CABLES2: variants seen among roughly 807,000 people sequenced by gnomAD.
CABLES2 encodes CDK5 and ABL1 enzyme substrate 2.
Under a neutral mutation model 44.8 loss-of-function variants are expected in CABLES2, and 35 were observed. That is an observed-to-expected ratio of 0.78 (90% CI 0.60 to 1.04). CABLES2 has a LOEUF of 1.04. Among genes scored for constraint, CABLES2 ranks in the 50% least tolerant of loss-of-function variants. The probability of loss-of-function intolerance (pLI) is 0.00; values close to 1 mark genes in which losing one functional copy is unlikely to be tolerated. For missense variants in CABLES2, 566 were observed against 615.7 expected (o/e 0.92, Z 0.85); for synonymous variants, 282 against 281.1 (o/e 1.00, Z -0.03).
chr20:62,401,825 C>T (rs556984492), intron 1 of CABLES2, among the ~76,000 whole-genome samples: 1 of 152,330 alleles, frequency 6.6e-6, no homozygotes, highest in African/African-American at 2.4e-5. Context: ...TGTGCCCAGG[C>T]AAATGCACTG....
rs1601470603 is a variant in CABLES2 at position 62,390,891 on chromosome 20, A to G, written c.*80T>C. ...AGCAGGTGCTGGGGGTGCTGGCAGG[A>G]GGAGGCGCGGGGCTTCAGTGGGACA... On this transcript the variant is annotated 3_prime_UTR_variant, in exon 10 of 10. Coordinates refer to ENST00000279101, the MANE Select transcript of CABLES2 (RefSeq NM_031215.3). 6.4e-7 allele frequency: 1 copy of G among 1,555,624 alleles called. No individual in the cohort carries two copies.
In CABLES2 at chr20:62,391,850, C is replaced by T. The variant is rs183292654; in HGVS notation, c.1092-397G>A. 2.8e-4 allele frequency among the ~76,000 whole-genome samples: 42 copies of T among 151,964 alleles called. No individual in the cohort carries two copies. In the South Asian group the frequency reaches 8.1e-3, roughly 29 times the overall value. Reference sequence around the variant, plus strand: ...CCCTCTGGAACACTGGGGCAGAGGCCGGCAGGGCAGGCCCCCAGTACAGGG... The same window carrying T: ...CCCTCTGGAACACTGGGGCAGAGGCTGGCAGGGCAGGCCCCCAGTACAGGG... On this transcript the variant is annotated intron_variant, in intron 8 of 9. Transcript: ENST00000279101. The surrounding 1 kb of genome is among the most constrained non-coding windows in gnomAD (Gnocchi z 5.7).
rs1450968091 is a variant in CABLES2, at chr20:62,407,141, G to GGCGGCGCCGCGAGTCCCC, written c.118_135dup (p.Gly40_Arg45dup). On this transcript the variant is annotated inframe_insertion, in exon 1 of 10. Coordinates refer to ENST00000279101, the MANE Select transcript of CABLES2 (RefSeq NM_031215.3). ...TTGTTGAGGAAGAAAAGCGCGGCCTGGCGGCGCCGCGAGTCCCCGCGCCTC... is the reference window on the plus strand; with the variant it reads ...TTGTTGAGGAAGAAAAGCGCGGCCTGGCGGCGCCGCGAGTCCCCGCGGCGCCGCGAGTCCCCGCGCCTC... 16 of 1,021,874 alleles carry GGCGGCGCCGCGAGTCCCC rather than the reference G, an allele frequency of 1.6e-5. No individual in the cohort carries two copies. Among genetic ancestry groups the GGCGGCGCCGCGAGTCCCC allele is most frequent in the Non-Finnish European group, 1.9e-5 (16 of 852,402 alleles). 63.3% of individuals were successfully genotyped at this position (1,021,874 alleles called of 1,614,324 possible). A position where few individuals can be genotyped will look rare whatever the true frequency, so the allele number is the denominator to read the frequency against.
At chr20:62,398,061 G>C in intron 1 of CABLES2, among the ~76,000 whole-genome samples, 1 of 93,574 alleles carries the variant, frequency 1.1e-5, no homozygotes, top group Non-Finnish European at 2.2e-5. Context: ...GATGGCGATG[G>C]TGGTGGTGAC....
At chr20:62,402,050 A>G (rs1988198545) in intron 1 of CABLES2, among the ~76,000 whole-genome samples, 1 of 151,890 alleles carries the variant, frequency 6.6e-6, no homozygotes, top group Non-Finnish European at 1.5e-5. Context: ...GGCGGTGCCT[A>G]CTCGTGGTTC....
At chr20:62,401,650 G>C (rs1988189986) in intron 1 of CABLES2, among the ~76,000 whole-genome samples, 1 of 152,208 alleles carries the variant, frequency 6.6e-6, no homozygotes, top group Non-Finnish European at 1.5e-5. Flanking sequence ...GCGCAATCAG[G>C]GGACGGCATG....
rs370229709 is a variant in CABLES2 at position 62,393,067 on chromosome 20, T to C, written c.881-44A>G. On this transcript the variant is annotated intron_variant, in intron 6 of 9. Coordinates refer to ENST00000279101, the MANE Select transcript of CABLES2 (RefSeq NM_031215.3). ...CTGACCCACCAGGAGTCTTGAGCAG[T>C]ACCCATCTAGCCCCAAGGCCTGGCA... 1,479 of 1,538,628 alleles carry C rather than the reference T, an allele frequency of 9.6e-4. 1 individual carries two copies. The highest frequency in any genetic ancestry group is 1.3e-3 in the Non-Finnish European group (1,418 of 1,112,994).
At position 62,390,879 on chromosome 20, in the gene CABLES2, G is replaced by A. The variant is rs1379054205; in HGVS notation, c.*92C>T. 2 of 1,488,030 alleles carry A rather than the reference G, an allele frequency of 1.3e-6. No homozygotes were observed. The highest frequency in any genetic ancestry group is 1.9e-6 in the Non-Finnish European group (2 of 1,080,648). The allele number at this position is 1,488,030 out of a possible 1,614,324, so 92.2% of individuals were successfully genotyped here. A position where few individuals can be genotyped will look rare whatever the true frequency, so the allele number is the denominator to read the frequency against. ...GTGCCTCCTGCTAGCAGGTGCTGGGGGTGCTGGCAGGAGGAGGCGCGGGGC... is the reference window on the plus strand; with the variant it reads ...GTGCCTCCTGCTAGCAGGTGCTGGGAGTGCTGGCAGGAGGAGGCGCGGGGC... On this transcript the variant is annotated 3_prime_UTR_variant, in exon 10 of 10. Transcript: ENST00000279101.
At chr20:62,392,782 C>A in intron 7 of CABLES2, 138 bp downstream of exon 7, 1 of 791,352 alleles carries the variant, frequency 1.3e-6, no homozygotes, top group Non-Finnish European at 2.1e-6. Context: ...TGCACACCGC[C>A]ACTGTCTGTG....
In CABLES2 at chr20:62,394,964, A is replaced by G; in HGVS notation, c.578T>C (p.Leu193Pro). The change falls in exon 4 of 10, where the codon CTG becomes CCG. Residue 193 changes from leucine to proline, a missense_variant. By Grantham distance (98) the Leu-to-Pro change is moderately conservative. This residue lies in a region of CABLES2 where 436 missense variants were observed against 536.3 expected (regional missense o/e 0.81). Coordinates refer to ENST00000279101, the MANE Select transcript of CABLES2 (RefSeq NM_031215.3). ...KRSLCAAFSV[L>P]PYGEGLRISD... ...GATCCGCAGGCCTTCCCCATAGGGCAGGACCGAGAAGGCCGCGCACAGGGA... is the reference window on the plus strand; with the variant it reads ...GATCCGCAGGCCTTCCCCATAGGGCGGGACCGAGAAGGCCGCGCACAGGGA... 6.2e-7 allele frequency: 1 copy of G among 1,612,958 alleles called. No individual in the cohort carries two copies. The highest frequency in any genetic ancestry group is 8.5e-7 in the Non-Finnish European group (1 of 1,179,938).
chr20:62,390,687 A>C lies in CABLES2; in HGVS notation c.*284T>G. On this transcript the variant is annotated 3_prime_UTR_variant, in exon 10 of 10. Coordinates refer to ENST00000279101, the MANE Select transcript of CABLES2 (RefSeq NM_031215.3). ...TCCTGGTACCAGGCTGGTCTCAGGC[A>C]CGTGAAAAAAATACCAGTAACAAAC... 1 of 442,650 alleles carries C rather than the reference A, an allele frequency of 2.3e-6. No homozygotes were observed. Among genetic ancestry groups the C allele is most frequent in the Admixed American group, 3.5e-5 (1 of 28,404 alleles). 27.4% of individuals were successfully genotyped at this position (442,650 alleles called of 1,614,324 possible).
Position 62,394,156 on chromosome 20 carries a change from C to A in CABLES2, c.714+1G>T. 6.2e-7 allele frequency: 1 copy of A among 1,612,824 alleles called. No individual in the cohort carries two copies. The highest frequency in any genetic ancestry group is 1.1e-5 in the South Asian group (1 of 91,074). ...GTGTCCACCAGCGAAGAGGCTCTTA[C>A]CTTCCCGTCTGCTCCTAGCTCCACA... On this transcript the variant is annotated splice_donor_variant, in intron 5 of 9. Coordinates refer to ENST00000279101, the MANE Select transcript of CABLES2 (RefSeq NM_031215.3). LOFTEE classifies it high-confidence loss of function.
At chr20:62,394,895 C>G (rs893774924) in intron 4 of CABLES2, 42 bp downstream of exon 4, 5 of 1,582,600 alleles carry the variant, frequency 3.2e-6, no homozygotes, top group Non-Finnish European at 4.3e-6. Context: ...TTGCCTTCTG[C>G]CTAGATGGAC....
In CABLES2 at chr20:62,394,174, G is replaced by C; in HGVS notation, c.697C>G (p.Leu233Val). The C allele has an allele frequency of 3.1e-6, 5 of 1,613,402 alleles. No individual in the cohort carries two copies. Among genetic ancestry groups the C allele is most frequent in the Non-Finnish European group, 4.2e-6 (5 of 1,179,934 alleles). Residue 233 changes from leucine to valine, a missense_variant, in exon 5 of 10, where the codon CTA becomes GTA. By Grantham distance (32) the Leu-to-Val change is conservative (BLOSUM62 1). Transcript: ENST00000279101. ...EMVFELEGVE[L>V]GADGKVVSYA... Reference sequence around the variant, plus strand: ...GCTCTTACCTTCCCGTCTGCTCCTAGCTCCACACCTTCTAGCTCAAAGACC... The same window carrying C: ...GCTCTTACCTTCCCGTCTGCTCCTACCTCCACACCTTCTAGCTCAAAGACC...
chr20:62,401,008 G>A (rs1005118291), intron 1 of CABLES2, among the ~76,000 whole-genome samples: 4 of 152,204 alleles, frequency 2.6e-5, no homozygotes, highest in African/African-American at 9.7e-5. Context: ...ATTGAGGCAA[G>A]GAGCTGTTTA....
At chr20:62,397,995 ATGATGGTGATGGTTATGGCGGTGGTGG>A (rs1988066986) in intron 1 of CABLES2, among the ~76,000 whole-genome samples, 3 of 57,098 alleles carry the variant, frequency 5.3e-5, no homozygotes, top group Admixed American at 1.8e-4. Context: ...GGTGGTGGTG[ATGATGGTGATGGTTATGGCGGTGGTGG>A]TGGTGGTGAC....
At position 62,398,071 on chromosome 20, in the gene CABLES2, CGGTGGTGGTGGTGGTGACGGT is replaced by C. The variant is rs1438634225; in HGVS notation, c.363-1500_363-1480del. 4.0e-4 allele frequency among the ~76,000 whole-genome samples: 27 copies of C among 68,302 alleles called. 1 individual carries two copies. The East Asian group carries it at 0.015, about 38-fold the overall frequency. 44.8% of individuals were successfully genotyped at this position (68,302 alleles called of 152,430 possible). On this transcript the variant is annotated intron_variant, in intron 1 of 9. Coordinates refer to ENST00000279101, the MANE Select transcript of CABLES2 (RefSeq NM_031215.3). ...GTGGTGATGGCGATGGTGGTGGTGACGGTGGTGGTGGTGGTGACGGTGGTGGTGGTGGTGATGGTGGTGGTG... is the reference window on the plus strand; with the variant it reads ...GTGGTGATGGCGATGGTGGTGGTGACGGTGGTGGTGGTGATGGTGGTGGTG...
intron 1 of CABLES2, chr20:62,404,621 G>A (rs1988246792): frequency 6.6e-6 from 1 of 152,302 alleles, no homozygotes; most frequent in Non-Finnish European, 1.5e-5. Flanking sequence ...ACCTATCAGG[G>A]AGGGGCCATG....
At position 62,391,562 on chromosome 20, in the gene CABLES2, G is replaced by GA. The variant is rs1987919803; in HGVS notation, c.1092-110dup. On this transcript the variant is annotated intron_variant, in intron 8 of 9. Transcript: ENST00000279101. This position sits in a 1 kb window ranked among gnomAD's most constrained non-coding sequence, Gnocchi z 5.7. ...GGAGCGATGTAGCTTTGGGCCGCAA[G>GA]AAACACCACCGCATCCTTCAGGGGA... The GA allele has an allele frequency of 4.6e-6, 5 of 1,090,398 alleles. No homozygotes were observed. In the Admixed American group the frequency reaches 5.5e-5, roughly 12 times the overall value. 67.5% of individuals were successfully genotyped at this position (1,090,398 alleles called of 1,614,324 possible). A position where few individuals can be genotyped will look rare whatever the true frequency, so the allele number is the denominator to read the frequency against.
Sources: gnomAD v4.1 joint callset for allele counts (sites outside exome capture counted in the v4.1 genomes callset) on GRCh38, gnomAD v4.1.1 for gene constraint, gnomAD v4.1.1 regional missense constraint, Gnocchi (gnomAD v3.1) non-coding constraint, MANE v1.5 for transcripts, NCBI Gene and HGNC (gene_info 2026-07-23, HGNC 2026-07-21) for gene names.